TOM1: variants seen among roughly 807,000 people sequenced by gnomAD.
The protein encoded by TOM1 is target of Myb protein 1.
A neutral mutation model predicts 61.3 loss-of-function variants in TOM1; 38 were observed. The observed-to-expected ratio is 0.62, with a 90% CI of 0.48 to 0.81. The LOEUF is 0.81. Ranked by LOEUF, TOM1 falls within the 40% of genes least tolerant of loss-of-function variation. TOM1 has a pLI of 0.00. For synonymous variants in TOM1, 270 were observed against 268.8 expected, an observed-to-expected ratio of 1.00 and a Z score of -0.04; for missense variants, 591 against 659.6, an observed-to-expected ratio of 0.90 and a Z score of 1.14.
At chr22:35,314,879 C>CTCATGAGA (rs113676195) in intron 1 of TOM1, among the ~76,000 whole-genome samples, 10,243 of 152,326 alleles carry the variant, frequency 0.067, 388 homozygotes, top group South Asian at 0.11. Flanking sequence ...CTTCAGTTTC[C>CTCATGAGA]TCATGAGATG....
chr22:35,319,855 C>A (rs1927620692), intron 2 of TOM1, among the ~76,000 whole-genome samples: 1 of 152,218 alleles, frequency 6.6e-6, no homozygotes, highest in African/African-American at 2.4e-5. Flanking sequence ...CCTTTCCCCA[C>A]CGTGTCCCTT....
At chr22:35,330,611 A>T in intron 8 of TOM1, 131 bp downstream of exon 8, 2 of 939,898 alleles carry the variant, frequency 2.1e-6, no homozygotes, top group Non-Finnish European at 3.1e-6. Flanking sequence ...GCAGGCTCCT[A>T]AGGGCCTGTG....
At chr22:35,346,491 G>T (rs1930511111) in intron 13 of TOM1, among the ~76,000 whole-genome samples, 1 of 152,200 alleles carries the variant, frequency 6.6e-6, no homozygotes, top group African/African-American at 2.4e-5. Flanking sequence ...TGCAGTGTTA[G>T]CATGAATGGC....
chr22:35,338,606 C>T (rs1040612250), intron 11 of TOM1, 107 bp from the exon 12 acceptor site: 1 of 828,518 alleles, frequency 1.2e-6, no homozygotes, highest in South Asian at 2.2e-5. Context: ...CATTTCCAGG[C>T]AGGCCTGGAG....
In TOM1 at chr22:35,347,525, A is replaced by C; in HGVS notation, c.*316A>C. ...CTGGCTGGCTGCTTGACCCAGTGTG[A>C]CTCTCCTTCACTGAGTGATACCCTG... On this transcript the variant is annotated 3_prime_UTR_variant, in exon 15 of 15. Transcript: ENST00000449058. The C allele has an allele frequency of 1.2e-5, 3 of 253,552 alleles. No individual in the cohort carries two copies. The highest frequency in any genetic ancestry group is 5.2e-5 in the Admixed American group (1 of 19,150). The allele number at this position is 253,552 out of a possible 1,614,324, so 15.7% of individuals were successfully genotyped here.
At chr22:35,332,200 G>A (rs2145687900) in intron 8 of TOM1, among the ~76,000 whole-genome samples, 1 of 152,260 alleles carries the variant, frequency 6.6e-6, no homozygotes, top group South Asian at 2.1e-4. Context: ...TTGGCCCAGT[G>A]GAATGAAAGG....
intron 2 of TOM1, among the ~76,000 whole-genome samples, chr22:35,320,810 T>C (rs1927704078): frequency 6.6e-6 from 1 of 151,788 alleles, no homozygotes; most frequent in Admixed American, 6.6e-5. Flanking sequence ...TACATACATA[T>C]TGGGTGCTTA....
chr22:35,332,507 T>C (rs1324034545), intron 8 of TOM1, among the ~76,000 whole-genome samples: 1 of 152,090 alleles, frequency 6.6e-6, no homozygotes, highest in Admixed American at 6.6e-5. Context: ...TCTCGATCTA[T>C]CACACCGGCC....
intron 12 of TOM1, among the ~76,000 whole-genome samples, chr22:35,340,891 G>A (rs750797707): frequency 5.9e-5 from 9 of 152,216 alleles, no homozygotes; most frequent in Non-Finnish European, 1.3e-4. Context: ...AGTCAGAACA[G>A]GGCAAGGTGG....
At position 35,333,404 on chromosome 22, in the gene TOM1, G is replaced by A. The variant is rs1200714125; in HGVS notation, c.934G>A (p.Ala312Thr). 1.3e-5 allele frequency: 21 copies of A among 1,613,704 alleles called. No individual in the cohort carries two copies. The highest frequency in any genetic ancestry group is 1.6e-5 in the Non-Finnish European group (19 of 1,179,894). ...ERFRTGQTTK[A>T]PSEAEPAADL... ...ATCAGGGCATCTCCCTTCCCACCAG[G>A]CCCCAAGTGAGGCCGAGCCGGCAGC... The change falls in exon 10 of 15, where the codon GCC (alanine) becomes ACC (threonine). Residue 312 changes from alanine to threonine, a missense_variant and splice_region_variant. By Grantham distance (58) the Ala-to-Thr change is moderately conservative (BLOSUM62 0). Coordinates refer to ENST00000449058, the MANE Select transcript of TOM1 (RefSeq NM_005488.3).
At chr22:35,308,492 C>T (rs1926540434) in intron 1 of TOM1, among the ~76,000 whole-genome samples, 1 of 152,014 alleles carries the variant, frequency 6.6e-6, no homozygotes, top group South Asian at 2.1e-4. Context: ...CCATGTTGGC[C>T]AGGCTGGTCT....
At chr22:35,328,039 A>G (rs1256730186) in intron 7 of TOM1, among the ~76,000 whole-genome samples, 1 of 152,250 alleles carries the variant, frequency 6.6e-6, no homozygotes, top group Non-Finnish European at 1.5e-5. Flanking sequence ...ACCAGAATCC[A>G]TGAGGAGACA....
In TOM1 at chr22:35,333,153, T is replaced by C. The variant is rs1601702446; in HGVS notation, c.933+139T>C. On this transcript the variant is annotated intron_variant, in intron 9 of 14. Coordinates refer to ENST00000449058, the MANE Select transcript of TOM1 (RefSeq NM_005488.3). Reference sequence around the variant, plus strand: ...CCATAGAGAAATCCCCTTCTAACTTTTTATGTCCCTGTCCCTTTAAGGTAA... The same window carrying C: ...CCATAGAGAAATCCCCTTCTAACTTCTTATGTCCCTGTCCCTTTAAGGTAA... The C allele has an allele frequency of 2.0e-5, 20 of 1,010,508 alleles. No individual in the cohort carries two copies. In the East Asian group the frequency reaches 4.6e-4, roughly 23 times the overall value. The allele number at this position is 1,010,508 out of a possible 1,614,324, so 62.6% of individuals were successfully genotyped here.
At position 35,300,018 on chromosome 22, in the gene TOM1, C is replaced by T. The variant is rs375908275; in HGVS notation, c.52+38C>T. On this transcript the variant is annotated intron_variant, in intron 1 of 14. Coordinates refer to ENST00000449058, the MANE Select transcript of TOM1 (RefSeq NM_005488.3). The stretch of plus-strand genomic sequence containing the variant: ...AGCCCCCCACAGCTCCGCCCCGGTG[C>T]TCCGCACCCAGCTTCGGTCCCCTGG... 11 of 1,552,344 alleles carry T rather than the reference C, an allele frequency of 7.1e-6. No homozygotes were observed. In the East Asian group the frequency reaches 7.3e-5, roughly 10 times the overall value.
In TOM1 at chr22:35,318,002, ATC is replaced by A. The variant is rs1466305245; in HGVS notation, c.137+42_137+43del. 4 of 1,524,378 alleles carry A rather than the reference ATC, an allele frequency of 2.6e-6. No homozygotes were observed. In the African/African-American group the frequency reaches 5.5e-5, roughly 21 times the overall value. The allele number at this position is 1,524,378 out of a possible 1,614,324, so 94.4% of individuals were successfully genotyped here. ...GGAGAGGTTGGGGGCAGAGACGGCC[ATC>A]CCACCACGCAGCACACTCCTGCACC... On this transcript the variant is annotated intron_variant, in intron 2 of 14. Transcript: ENST00000449058.
intron 1 of TOM1, among the ~76,000 whole-genome samples, chr22:35,303,131 A>AATACACACAC (rs151275570): frequency 6.7e-6 from 1 of 149,176 alleles, no homozygotes; most frequent in Non-Finnish European, 1.5e-5. Flanking sequence ...CTCCCCTCCC[A>AATACACACAC]ACACACACAC....
chr22:35,333,559 G>A (rs1245753931), intron 10 of TOM1, 62 bp downstream of exon 10: 4 of 1,471,484 alleles, frequency 2.7e-6, no homozygotes, highest in South Asian at 1.1e-5. Flanking sequence ...CACCCCTGCA[G>A]ATTTTCGGGG....
intron 1 of TOM1, among the ~76,000 whole-genome samples, chr22:35,317,557 T>G (rs1038013434): frequency 2.6e-5 from 4 of 152,178 alleles, no homozygotes; most frequent in Non-Finnish European, 5.9e-5. Context: ...TGTCTCCATA[T>G]TGTCATGTCA....
chr22:35,322,080 A>G, intron 3 of TOM1, 43 bp downstream of exon 3: 2 of 1,579,514 alleles, frequency 1.3e-6, no homozygotes, highest in Non-Finnish European at 8.7e-7. Context: ...ACTACGGTCC[A>G]CTGAAAGTCA....
Sources: allele counts gnomAD v4.1 joint callset (sites outside exome capture counted in the v4.1 genomes callset), GRCh38; gene constraint gnomAD v4.1.1; transcripts MANE v1.5; gene names NCBI Gene and HGNC (gene_info 2026-07-23, HGNC 2026-07-21).